The following ZHX2 variants were observed in gnomAD, a reference collection of about 807,000 sequenced individuals.
The protein encoded by ZHX2 is zinc fingers and homeoboxes protein 2.
Under a neutral mutation model 21.9 loss-of-function variants are expected in ZHX2, and 6 were observed. The ratio of observed to expected loss-of-function variants is 0.27; its 90% CI spans 0.15 to 0.54. The LOEUF (loss-of-function observed/expected upper bound fraction) is 0.54. Among genes scored for constraint, ZHX2 ranks in the 20% least tolerant of loss-of-function variants. The pLI is 0.95. For missense variants in ZHX2, 908 were observed against 1,090.7 expected, an observed-to-expected ratio of 0.83 and a Z score of 2.36; for synonymous variants, 434 against 437.1, an observed-to-expected ratio of 0.99 and a Z score of 0.09.
intron 2 of ZHX2, among the ~76,000 whole-genome samples, chr8:122,896,446 T>A (rs1473045890): frequency 6.6e-6 from 1 of 152,242 alleles, no homozygotes; most frequent in Non-Finnish European, 1.5e-5. Flanking sequence ...GTCAGTTCTA[T>A]GTTATGCATT....
At chr8:122,786,824 C>T (rs1817405685) in intron 1 of ZHX2, among the ~76,000 whole-genome samples, 1 of 151,950 alleles carries the variant, frequency 6.6e-6, no homozygotes, top group Non-Finnish European at 1.5e-5. Flanking sequence ...TGTGCTGTGT[C>T]ATAGCCACAT....
At chr8:122,898,845 G>A (rs539722297) in intron 2 of ZHX2, among the ~76,000 whole-genome samples, 128 of 152,354 alleles carry the variant, frequency 8.4e-4, no homozygotes, top group Middle Eastern at 3.4e-3. Flanking sequence ...GGAGAGTGGC[G>A]TGCTGGGATG....
rs528163720 is a variant in ZHX2, at chr8:122,943,863, C to T, written c.-219-7429C>T. On this transcript the variant is annotated intron_variant, in intron 2 of 3. Coordinates refer to ENST00000314393, the MANE Select transcript of ZHX2 (RefSeq NM_014943.5). ...AGGACCCTGCCCAAAAGGCTTTGACCCTCCCTTGCCTGCAGACCAAAATCC... is the reference window on the plus strand; with the variant it reads ...AGGACCCTGCCCAAAAGGCTTTGACTCTCCCTTGCCTGCAGACCAAAATCC... 2.0e-5 allele frequency among the ~76,000 whole-genome samples: 3 copies of T among 152,276 alleles called. No individual in the cohort carries two copies. In the South Asian group the frequency reaches 6.2e-4, roughly 32 times the overall value.
chr8:122,934,961 T>G (rs1812643863), intron 2 of ZHX2, among the ~76,000 whole-genome samples: 1 of 152,212 alleles, frequency 6.6e-6, no homozygotes. Flanking sequence ...GTTCTGGGAT[T>G]ACAGGCGTGA....
At chr8:122,896,742 C>G (rs553569394) in intron 2 of ZHX2, among the ~76,000 whole-genome samples, 2 of 152,228 alleles carry the variant, frequency 1.3e-5, no homozygotes, top group Non-Finnish European at 2.9e-5. Flanking sequence ...CTGCTGCCCT[C>G]TACCTCCCTG....
rs114345595 is a variant in ZHX2, at chr8:122,861,767, T to C, written c.-282-1710T>C. Among the ~76,000 whole-genome samples, 874 of 152,266 alleles carry C rather than the reference T, an allele frequency of 5.7e-3. 11 individuals are homozygous for C. Among genetic ancestry groups the C allele is most frequent in the African/African-American group, 0.019 (777 of 41,556 alleles). On this transcript the variant is annotated intron_variant, in intron 1 of 3. Transcript: ENST00000314393. ...TGTTTTCCCAACTGCAAAATAGAGC[T>C]AGTGACATGCCCCTTAAAAAGTAAG... is the stretch of plus-strand genomic sequence containing the variant.
intron 1 of ZHX2, among the ~76,000 whole-genome samples, chr8:122,841,989 G>T (rs745585638): frequency 4.6e-5 from 7 of 152,254 alleles, no homozygotes; most frequent in East Asian, 1.9e-4. Context: ...GGAAATGTGC[G>T]CAGACATAGT....
intron 1 of ZHX2, among the ~76,000 whole-genome samples, chr8:122,840,452 G>T (rs1818599517): frequency 6.6e-6 from 1 of 152,200 alleles, no homozygotes; most frequent in Non-Finnish European, 1.5e-5. Flanking sequence ...TGGGAATAAT[G>T]ATAGTATCTA....
intron 2 of ZHX2, among the ~76,000 whole-genome samples, chr8:122,925,662 A>G (rs1820831955): frequency 6.6e-6 from 1 of 152,194 alleles, no homozygotes. Flanking sequence ...TGGTTCAGGC[A>G]GAGAGAACAG....
At chr8:122,970,638 GT>G (rs1306998677) in intron 3 of ZHX2, among the ~76,000 whole-genome samples, 2 of 152,226 alleles carry the variant, frequency 1.3e-5, no homozygotes, top group Non-Finnish European at 2.9e-5. Flanking sequence ...ATCGGTAGCT[GT>G]CTTCCCGCCT....
chr8:122,923,107 C>G (rs1214064581), intron 2 of ZHX2, among the ~76,000 whole-genome samples: 1 of 152,230 alleles, frequency 6.6e-6, no homozygotes, highest in African/African-American at 2.4e-5. Context: ...TTCTCACATT[C>G]CTGGTTGATA....
chr8:122,947,087 C>G (rs1158663273), intron 2 of ZHX2, among the ~76,000 whole-genome samples: 2 of 58,412 alleles, frequency 3.4e-5, no homozygotes. Context: ...GAAATCCTGT[C>G]TTTGCAAAAA....
chr8:122,793,961 T>C (rs1586574357), intron 1 of ZHX2, among the ~76,000 whole-genome samples: 1 of 152,190 alleles, frequency 6.6e-6, no homozygotes, highest in Non-Finnish European at 1.5e-5. Context: ...GGGTCCTCTG[T>C]TGGGAGATAC....
chr8:122,836,289 G>A (rs866728206), intron 1 of ZHX2, among the ~76,000 whole-genome samples: 43 of 152,108 alleles, frequency 2.8e-4, no homozygotes, highest in African/African-American at 8.9e-4. Flanking sequence ...CAGGGCTCCC[G>A]GGAAAACTTA....
intron 1 of ZHX2, among the ~76,000 whole-genome samples, chr8:122,793,152 G>T (rs1817552101): frequency 6.6e-6 from 1 of 152,212 alleles, no homozygotes; most frequent in African/African-American, 2.4e-5. Flanking sequence ...ACAGTGCCTG[G>T]CACCTAGGCA....
intron 1 of ZHX2, among the ~76,000 whole-genome samples, chr8:122,812,965 G>A (rs1817960115): frequency 1.3e-5 from 2 of 152,154 alleles, no homozygotes; most frequent in African/African-American, 4.8e-5. Flanking sequence ...GGAGGCCAAG[G>A]CAGGCGGTTC....
intron 2 of ZHX2, among the ~76,000 whole-genome samples, chr8:122,870,647 AAAAAAAAAAAAAAAAAAAAG>A (rs1430184402): frequency 0.015 from 2,230 of 145,206 alleles, 77 homozygotes; most frequent in African/African-American, 0.054. Context: ...TCAAAAAAAA[AAAAAAAAAAAAAAAAAAAAG>A]AAAGAGAAAG....
At chr8:122,936,836 G>A (rs1378577736) in intron 2 of ZHX2, among the ~76,000 whole-genome samples, 4 of 152,052 alleles carry the variant, frequency 2.6e-5, no homozygotes, top group Non-Finnish European at 5.9e-5. Flanking sequence ...AGTGCCCTCA[G>A]CAACTCCACC....
In ZHX2 at chr8:122,942,844, C is replaced by T. The variant is rs575074492; in HGVS notation, c.-219-8448C>T. 2.7e-3 allele frequency among the ~76,000 whole-genome samples: 406 copies of T among 152,190 alleles called. 5 individuals are homozygous for T. Among genetic ancestry groups the T allele is most frequent in the African/African-American group, 9.2e-3 (383 of 41,526 alleles). ...TGCCACCACCTGTCTCTGGAACTGA[C>T]GGTGGTAAGGAAAAAGAACAAAGGA... On this transcript the variant is annotated intron_variant, in intron 2 of 3. Transcript: ENST00000314393.
Sources: allele counts gnomAD v4.1 joint callset (sites outside exome capture counted in the v4.1 genomes callset), GRCh38; gene constraint gnomAD v4.1.1; transcripts MANE v1.5; gene names NCBI Gene and HGNC (gene_info 2026-07-23, HGNC 2026-07-21).